The following KDM7A variants were observed in gnomAD, a reference collection of about 807,000 sequenced individuals.
KDM7A encodes the protein lysine-specific demethylase 7A.
In KDM7A, 28 loss-of-function variants were observed where a neutral mutation model predicts 114.8. The observed-to-expected ratio is 0.24, with a 90% CI of 0.18 to 0.33. The LOEUF is 0.33. Among genes scored for constraint, KDM7A ranks in the 10% least tolerant of loss-of-function variants. KDM7A has a pLI of 1.00. For synonymous variants in KDM7A, 423 were observed against 397.8 expected, an observed-to-expected ratio of 1.06 and a Z score of -0.75; for missense variants, 942 against 1,142.5, an observed-to-expected ratio of 0.82 and a Z score of 2.53.
intron 1 of KDM7A, among the ~76,000 whole-genome samples, chr7:140,156,570 G>A (rs1794460304): frequency 6.6e-6 from 1 of 152,112 alleles, no homozygotes; most frequent in Non-Finnish European, 1.5e-5. Flanking sequence ...GGAGCCCTGG[G>A]GACATTTGGA....
intron 10 of KDM7A, among the ~76,000 whole-genome samples, chr7:140,111,475 A>AACT (rs1021225670): frequency 6.6e-6 from 1 of 152,228 alleles, no homozygotes; most frequent in Non-Finnish European, 1.5e-5. Flanking sequence ...CTGTAATTCT[A>AACT]ACTACTACTA....
At chr7:140,120,232 G>T (rs977510526) in intron 8 of KDM7A, among the ~76,000 whole-genome samples, 4 of 151,886 alleles carry the variant, frequency 2.6e-5, no homozygotes, top group Non-Finnish European at 5.9e-5. Flanking sequence ...CCCTTTTGTT[G>T]TTGTTGTTTT....
rs765452286 is a variant in KDM7A, at chr7:140,090,124, G to C, written c.*970C>G. On this transcript the variant is annotated 3_prime_UTR_variant, in exon 20 of 20. Transcript: ENST00000397560. ...ATGTACTTGGAAAAACTATAAACAT[G>C]ACAATTTAACCAAACTTATAATACT... 5 of 152,076 alleles carry C rather than the reference G, an allele frequency of 3.3e-5. No individual in the cohort carries two copies. Among genetic ancestry groups the C allele is most frequent in the Non-Finnish European group, 7.4e-5 (5 of 68,020 alleles). 9.4% of individuals were successfully genotyped at this position (152,076 alleles called of 1,614,324 possible). A position where few individuals can be genotyped will look rare whatever the true frequency, so the allele number is the denominator to read the frequency against.
chr7:140,132,173 A>G (rs958089513), intron 3 of KDM7A, among the ~76,000 whole-genome samples: 8 of 152,216 alleles, frequency 5.3e-5, no homozygotes, highest in Admixed American at 5.2e-4. Context: ...CATATCAAGC[A>G]TGTGTAATTT....
chr7:140,100,671 TATATATATACATATATAC>T lies in KDM7A; in HGVS notation c.1639-666_1639-649del, dbSNP rs1360627559. ...AATATTTTAAAAAGTTATATATATA[TATATATATACATATATAC>T]ATATATATATATATATATACACATA... On this transcript the variant is annotated intron_variant, in intron 12 of 19. Transcript: ENST00000397560. 3.2e-3 allele frequency among the ~76,000 whole-genome samples: 129 copies of T among 40,296 alleles called. 1 individual carries two copies. Among genetic ancestry groups the T allele is most frequent in the African/African-American group, 0.01 (89 of 8,838 alleles). 26.4% of individuals were successfully genotyped at this position (40,296 alleles called of 152,430 possible). A position where few individuals can be genotyped will look rare whatever the true frequency, so the allele number is the denominator to read the frequency against.
chr7:140,097,514 T>A, intron 15 of KDM7A, 31 bp downstream of exon 15: 1 of 1,167,606 alleles, frequency 8.6e-7, no homozygotes, highest in Non-Finnish European at 1.3e-6. Flanking sequence ...TTCCATCAAA[T>A]AACGTACAAG....
chr7:140,129,850 A>C (rs184609431), intron 3 of KDM7A, among the ~76,000 whole-genome samples, 197 bp from the exon 4 acceptor site: 159 of 152,304 alleles, frequency 1.0e-3, no homozygotes, highest in African/African-American at 3.8e-3. Context: ...TAGATAATGT[A>C]ATATACACAA....
Position 140,113,578 on chromosome 7 carries a change from C to T in KDM7A, c.1251G>A (p.Leu417=). 1 of 1,576,824 alleles carries T rather than the reference C, an allele frequency of 6.3e-7. No individual in the cohort carries two copies. Among genetic ancestry groups the T allele is most frequent in the Non-Finnish European group, 8.7e-7 (1 of 1,148,668 alleles). The change falls in exon 10 of 20, where the codon CTG becomes CTA. Residue 417 remains leucine, a synonymous_variant. Coordinates refer to ENST00000397560, the MANE Select transcript of KDM7A (RefSeq NM_030647.2). ...AKNLLETLKE[L]REDGFQPQTY... The stretch of plus-strand genomic sequence containing the variant: ...TTTGAGGCTGGAAACCATCTTCTCT[C>T]AGTTCTGTAGGAATGGAAATGGGGT...
intron 11 of KDM7A, among the ~76,000 whole-genome samples, chr7:140,107,742 T>TA (rs1818363772): frequency 6.6e-6 from 1 of 152,206 alleles, no homozygotes; most frequent in African/African-American, 2.4e-5. Context: ...ATCTGACAAT[T>TA]ACGTGTCTTG....
chr7:140,170,100 A>C (rs1453950343), intron 1 of KDM7A, among the ~76,000 whole-genome samples: 1 of 152,196 alleles, frequency 6.6e-6, no homozygotes, highest in Non-Finnish European at 1.5e-5. Context: ...ATGAAGGTGA[A>C]ATGTATATTA....
At position 140,176,955 on chromosome 7, in the gene KDM7A, A is replaced by ACGCT; in HGVS notation, c.-22_-19dup. The ACGCT allele has an allele frequency of 9.0e-7, 1 of 1,111,610 alleles. No homozygotes were observed. The highest frequency in any genetic ancestry group is 1.1e-6 in the Non-Finnish European group (1 of 909,730). 68.9% of individuals were successfully genotyped at this position (1,111,610 alleles called of 1,614,324 possible). On this transcript the variant is annotated 5_prime_UTR_variant, in exon 1 of 20. Coordinates refer to ENST00000397560, the MANE Select transcript of KDM7A (RefSeq NM_030647.2). This position sits in a 1 kb window ranked among gnomAD's most constrained non-coding sequence, Gnocchi z 4.4. Reference sequence around the variant, plus strand: ...CCGGCCATCTTTAAAAAACACACACACGCTCGCTCGCTACTCCGCTCGCCG... The same window carrying ACGCT: ...CCGGCCATCTTTAAAAAACACACACACGCTCGCTCGCTCGCTACTCCGCTCGCCG...
intron 3 of KDM7A, among the ~76,000 whole-genome samples, chr7:140,133,323 A>G (rs1475967192): frequency 6.6e-6 from 1 of 152,210 alleles, no homozygotes; most frequent in Non-Finnish European, 1.5e-5. Context: ...ACATAGATGT[A>G]ACAAAAGTTC....
At chr7:140,165,697 G>A (rs186578991) in intron 1 of KDM7A, among the ~76,000 whole-genome samples, 67 of 152,228 alleles carry the variant, frequency 4.4e-4, no homozygotes, top group South Asian at 1.7e-3. Context: ...ATCAACTGTC[G>A]GGGTATCAAT....
intron 12 of KDM7A, among the ~76,000 whole-genome samples, chr7:140,101,567 G>A (rs1562946445): frequency 6.6e-6 from 1 of 151,844 alleles, no homozygotes; most frequent in Admixed American, 6.6e-5. Context: ...TTTAAATAAC[G>A]CTTATCATCT....
At chr7:140,119,572 T>TA (rs1406775956) in intron 8 of KDM7A, among the ~76,000 whole-genome samples, 4 of 152,184 alleles carry the variant, frequency 2.6e-5, no homozygotes, top group African/African-American at 4.8e-5. Context: ...AACAGTGCAA[T>TA]ACCCACCCAA....
rs1818009675 is a variant in KDM7A at position 140,091,069 on chromosome 7, A to C, written c.*25T>G. 4 of 1,565,818 alleles carry C rather than the reference A, an allele frequency of 2.6e-6. No homozygotes were observed. The highest frequency in any genetic ancestry group is 1.7e-5 in the Admixed American group (1 of 59,944). On this transcript the variant is annotated 3_prime_UTR_variant, in exon 20 of 20. Coordinates refer to ENST00000397560, the MANE Select transcript of KDM7A (RefSeq NM_030647.2). ...CACCCCTAGACTGGTCTCCAAAGGG[A>C]AGAATGGCTGCAACAGCAGCTCTGT...
At chr7:140,123,471 G>A (rs904196090) in intron 7 of KDM7A, among the ~76,000 whole-genome samples, 1 of 152,152 alleles carries the variant, frequency 6.6e-6, no homozygotes, top group African/African-American at 2.4e-5. Flanking sequence ...ACAAAATACG[G>A]TAAAGCTGAG....
chr7:140,120,084 G>A (rs930693381), intron 8 of KDM7A, among the ~76,000 whole-genome samples: 2 of 152,082 alleles, frequency 1.3e-5, no homozygotes, highest in Admixed American at 6.5e-5. Flanking sequence ...CCTGACTTAC[G>A]GTTGCTTTTT....
chr7:140,136,814 CTG>C (rs2116817394), intron 2 of KDM7A, among the ~76,000 whole-genome samples: 1 of 152,038 alleles, frequency 6.6e-6, no homozygotes, highest in East Asian at 1.9e-4. Context: ...TGGTGAAACT[CTG>C]TCTCTACTGA....
Sources: allele counts gnomAD v4.1 joint callset (sites outside exome capture counted in the v4.1 genomes callset), GRCh38; gene constraint gnomAD v4.1.1; non-coding constraint Gnocchi (gnomAD v3.1); transcripts MANE v1.5; gene names NCBI Gene and HGNC (gene_info 2026-07-23, HGNC 2026-07-21).